Variants in F10 observed in about 807,000 individuals in gnomAD.
F10 encodes Stuart-Prower factor.
Under a neutral mutation model 37.1 loss-of-function variants are expected in F10, and 29 were observed. That is an observed-to-expected ratio of 0.78 (90% CI 0.58 to 1.07). F10 has a LOEUF of 1.07. Among genes scored for constraint, F10 ranks in the 50% least tolerant of loss-of-function variants. The pLI, the probability that F10 is intolerant of heterozygous loss-of-function variation, is 0.00. For synonymous variants in F10, 262 were observed against 268.6 expected (o/e 0.98, Z 0.24); for missense variants, 539 against 667.9 (o/e 0.81, Z 2.13).
intron 2 of F10, 48 bp downstream of exon 2, chr13:113,129,660 G>C: frequency 3.7e-6 from 6 of 1,612,050 alleles, no homozygotes; most frequent in Non-Finnish European, 5.1e-6. Context: ...TCAGGCCACA[G>C]CGCCCTCGCT....
rs2036621110 is a variant in F10, at chr13:113,149,495, T to A, written c.1445T>A (p.Ile482Lys). ...GCCAAGAGCCATGCCCCGGAGGTCA[T>A]AACGTCCTCTCCATTAAAGTGAGAT... Reference protein sequence around the residue: ...PKAKSHAPEVITSSPLK With the variant: ...PKAKSHAPEVKTSSPLK Residue 482 changes from isoleucine to lysine, a missense_variant, in exon 8 of 8, where the codon ATA becomes AAA. Coordinates refer to ENST00000375559, the MANE Select transcript of F10 (RefSeq NM_000504.4). This position sits in a 1 kb window ranked among gnomAD's most constrained non-coding sequence, Gnocchi z 7.5. 6.2e-7 allele frequency: 1 copy of A among 1,613,038 alleles called. No individual in the cohort carries two copies. The highest frequency in any genetic ancestry group is 1.1e-5 in the South Asian group (1 of 91,094).
chr13:113,147,701 C>G (rs760340651), intron 7 of F10, among the ~76,000 whole-genome samples: 4 of 152,018 alleles, frequency 2.6e-5, no homozygotes, highest in Admixed American at 6.5e-5. Context: ...GGAGGGGAGG[C>G]GAACCAGCCC....
chr13:113,141,039 G>T lies in F10; in HGVS notation c.491G>T (p.Cys164Phe). ...GYTLADNGKACIPTGPYPCGK... is the reference protein window; with the variant it reads ...GYTLADNGKAFIPTGPYPCGK... ...ACCCTGGCTGACAACGGCAAGGCCT[G>T]CATTCCCACAGGTAGGAGGCACGTT... The change falls in exon 5 of 8, where the codon TGC becomes TTC. Residue 164 changes from cysteine (C) to phenylalanine (F), a missense_variant. Physicochemically the swap from Cys to Phe is radical, Grantham distance 205. Around this residue, in one of 2 missense-constraint regions of F10, gnomAD observed 409 missense variants for 547.9 expected, o/e 0.75. Coordinates refer to ENST00000375559, the MANE Select transcript of F10 (RefSeq NM_000504.4). This position sits in a 1 kb window ranked among gnomAD's most constrained non-coding sequence, Gnocchi z 5.4. 6.2e-7 allele frequency: 1 copy of T among 1,613,766 alleles called. No homozygotes were observed. The highest frequency in any genetic ancestry group is 8.5e-7 in the Non-Finnish European group (1 of 1,180,028).
rs1429093489 is a variant in F10 at position 113,127,173 on chromosome 13, G to A, written c.71-2279G>A. Among the ~76,000 whole-genome samples, 5 of 152,296 alleles carry A rather than the reference G, an allele frequency of 3.3e-5. No individual in the cohort carries two copies. In the South Asian group the frequency reaches 6.2e-4, roughly 19 times the overall value. On this transcript the variant is annotated intron_variant, in intron 1 of 7. Coordinates refer to ENST00000375559, the MANE Select transcript of F10 (RefSeq NM_000504.4). ...TATACAATCTTTAAAACAGCTCTAA[G>A]AGTAGATATTATAATTCCCTTCTGC...
intron 2 of F10, among the ~76,000 whole-genome samples, chr13:113,133,074 T>G (rs1427134043): frequency 6.6e-6 from 1 of 151,984 alleles, no homozygotes; most frequent in Non-Finnish European, 1.5e-5. Context: ...ATAAAATCTG[T>G]GGGATGCAGC....
In F10 at chr13:113,127,959, G is replaced by A. The variant is rs552730256; in HGVS notation, c.71-1493G>A. Among the ~76,000 whole-genome samples, 7 of 152,240 alleles carry A rather than the reference G, an allele frequency of 4.6e-5. No individual in the cohort carries two copies. In the East Asian group the frequency reaches 9.7e-4, roughly 21 times the overall value. Reference sequence around the variant, plus strand: ...GCTTGGGTGGCCAGGCTGAGCCAGCGTGAGCATGTGAGGAGGCTGGTGAGC... The same window carrying A: ...GCTTGGGTGGCCAGGCTGAGCCAGCATGAGCATGTGAGGAGGCTGGTGAGC... On this transcript the variant is annotated intron_variant, in intron 1 of 7. Coordinates refer to ENST00000375559, the MANE Select transcript of F10 (RefSeq NM_000504.4).
At position 113,144,125 on chromosome 13, in the gene F10, T is replaced by TACA. The variant is rs762242869; in HGVS notation, c.747+30_747+31insACA. 3 of 1,612,636 alleles carry TACA rather than the reference T, an allele frequency of 1.9e-6. No individual in the cohort carries two copies. The Admixed American group carries it at 5.0e-5, about 27-fold the overall frequency. ...CAGTAGGATGTCCCCTCGGGCCTGC[T>TACA]GGAGAGACCACCTGTCCCGCTGTGC... On this transcript the variant is annotated intron_variant, in intron 6 of 7. Transcript: ENST00000375559. The surrounding 1 kb of genome is among the most constrained non-coding windows in gnomAD (Gnocchi z 6.4).
intron 5 of F10, among the ~76,000 whole-genome samples, chr13:113,142,556 CAAAAAA>C (rs5806973): frequency 3.3e-5 from 2 of 61,414 alleles, no homozygotes; most frequent in African/African-American, 1.1e-4. Context: ...GACTCTGTCT[CAAAAAA>C]AAAAAAAAAA....
intron 1 of F10, among the ~76,000 whole-genome samples, chr13:113,123,532 A>C (rs1416698127): frequency 6.6e-6 from 1 of 152,208 alleles, no homozygotes; most frequent in East Asian, 1.9e-4. Context: ...GCCTGGGGAC[A>C]GCGGAGGAAG....
chr13:113,123,752 G>A (rs896740024), intron 1 of F10, among the ~76,000 whole-genome samples: 1 of 152,112 alleles, frequency 6.6e-6, no homozygotes, highest in African/African-American at 2.4e-5. Context: ...TGACCTAAAC[G>A]GCCCCTCCGC....
At chr13:113,124,034 C>T (rs1647427444) in intron 1 of F10, among the ~76,000 whole-genome samples, 1 of 152,256 alleles carries the variant, frequency 6.6e-6, no homozygotes, top group Admixed American at 6.5e-5. Flanking sequence ...GGACCCATGC[C>T]ATCATCATCG....
At chr13:113,129,819 C>G (rs529474353) in intron 2 of F10, among the ~76,000 whole-genome samples, 12 of 152,340 alleles carry the variant, frequency 7.9e-5, no homozygotes, top group African/African-American at 2.9e-4. Flanking sequence ...GACTCCTTCC[C>G]GGCGAGGACT....
In F10 at chr13:113,139,929, C is replaced by A. The variant is rs1373219755; in HGVS notation, c.370+459C>A. Among the ~76,000 whole-genome samples the A allele has an allele frequency of 1.3e-5, 2 of 152,168 alleles. No individual in the cohort carries two copies. The highest frequency in any genetic ancestry group is 4.8e-5 in the African/African-American group (2 of 41,440). ...ATTGGCCAATTATAAAAATTTGATA[C>A]ATTTAATTAGTTCTACGTGGAAAAA... On this transcript the variant is annotated intron_variant, in intron 4 of 7. Transcript: ENST00000375559. The surrounding 1 kb of genome is among the most constrained non-coding windows in gnomAD (Gnocchi z 5.2).
In F10 at chr13:113,122,982, GC is replaced by G. The variant is rs1329330121; in HGVS notation, c.70+58del. Reference sequence around the variant, plus strand: ...CAGCGCCAGGGAGCAGGGAGGGGCGGCAGTTGGGGAAACCCTCTCATCTCTG... The same window carrying G: ...CAGCGCCAGGGAGCAGGGAGGGGCGGAGTTGGGGAAACCCTCTCATCTCTG... On this transcript the variant is annotated intron_variant, in intron 1 of 7. Coordinates refer to ENST00000375559, the MANE Select transcript of F10 (RefSeq NM_000504.4). The G allele has an allele frequency of 1.0e-5, 16 of 1,575,340 alleles. No individual in the cohort carries two copies. In the Admixed American group the frequency reaches 2.7e-4, roughly 27 times the overall value.
At chr13:113,124,085 A>G (rs2036347231) in intron 1 of F10, among the ~76,000 whole-genome samples, 2 of 152,190 alleles carry the variant, frequency 1.3e-5, no homozygotes, top group African/African-American at 4.8e-5. Flanking sequence ...GCTTCCGCGA[A>G]TTGGTAGAAA....
Position 113,129,577 on chromosome 13 carries a change from G to C in F10, c.196G>C (p.Glu66Gln). ...CATGGAAGAGACCTGCTCATACGAA[G>C]AGGCCCGCGAGGTCTTTGAGGACAG... is the stretch of plus-strand genomic sequence containing the variant. ...ECMEETCSYE[E>Q]AREVFEDSDK... Residue 66 changes from glutamate (E) to glutamine (Q), a missense_variant, in exon 2 of 8, where the codon GAG becomes CAG. Coordinates refer to ENST00000375559, the MANE Select transcript of F10 (RefSeq NM_000504.4). The C allele has an allele frequency of 3.1e-6, 5 of 1,614,240 alleles. No homozygotes were observed. The highest frequency in any genetic ancestry group is 3.4e-6 in the Non-Finnish European group (4 of 1,180,040).
chr13:113,142,737 C>T (rs2036543766), intron 5 of F10, among the ~76,000 whole-genome samples: 2 of 139,862 alleles, frequency 1.4e-5, no homozygotes, highest in African/African-American at 5.1e-5. Context: ...ACCAGCCTGG[C>T]CAACATGGTG....
rs760123595 is a variant in F10 at position 113,139,515 on chromosome 13, A to G, written c.370+45A>G. 9 of 1,456,124 alleles carry G rather than the reference A, an allele frequency of 6.2e-6. 1 individual carries two copies. The highest frequency in any genetic ancestry group is 1.4e-5 in the African/African-American group (1 of 71,836). The allele number at this position is 1,456,124 out of a possible 1,614,324, so 90.2% of individuals were successfully genotyped here. A position where few individuals can be genotyped will look rare whatever the true frequency, so the allele number is the denominator to read the frequency against. On this transcript the variant is annotated intron_variant, in intron 4 of 7. Transcript: ENST00000375559. The surrounding 1 kb of genome is among the most constrained non-coding windows in gnomAD (Gnocchi z 5.2). ...ATACCTTCAGATCAGATGCCCCTGAAGAGTGGCAGGTGGGCGGGGGAAGAA... is the reference window on the plus strand; with the variant it reads ...ATACCTTCAGATCAGATGCCCCTGAGGAGTGGCAGGTGGGCGGGGGAAGAA...
intron 1 of F10, among the ~76,000 whole-genome samples, chr13:113,124,796 C>T (rs2036355296): frequency 6.6e-6 from 1 of 152,242 alleles, no homozygotes; most frequent in African/African-American, 2.4e-5. Flanking sequence ...AGAAACATTT[C>T]TCCCACAGCT....
Sources: allele counts gnomAD v4.1 joint callset (sites outside exome capture counted in the v4.1 genomes callset), GRCh38; gene constraint gnomAD v4.1.1; regional missense constraint gnomAD v4.1.1; non-coding constraint Gnocchi (gnomAD v3.1); transcripts MANE v1.5; gene names NCBI Gene and HGNC (gene_info 2026-07-23, HGNC 2026-07-21).